The following NKAIN3 variants were observed in gnomAD, a reference collection of about 807,000 sequenced individuals.
NKAIN3 encodes sodium/potassium-transporting ATPase subunit beta-1-interacting protein 3.
Under a neutral mutation model 30.2 loss-of-function variants are expected in NKAIN3, and 25 were observed. That is an observed-to-expected ratio of 0.83 (90% CI 0.60 to 1.16). NKAIN3 has a LOEUF of 1.16. NKAIN3 is among the 50% of genes most tolerant of loss of function. The probability of loss-of-function intolerance (pLI) is 0.00; values close to 1 mark genes in which losing one functional copy is unlikely to be tolerated. For synonymous variants in NKAIN3, 91 were observed against 89.6 expected, an observed-to-expected ratio of 1.02 and a Z score of -0.09; for missense variants, 225 against 254.1, an observed-to-expected ratio of 0.89 and a Z score of 0.78.
chr8:62,863,975 A>G (rs11779748), intron 4 of NKAIN3: 535,917 of 793,710 alleles, frequency 0.68, 185,832 homozygotes, highest in African/African-American at 0.86. Context: ...GGTGGAGGAG[A>G]AAGAACTAAA....
chr8:62,700,777 T>C (rs1032196269), intron 3 of NKAIN3, among the ~76,000 whole-genome samples: 1 of 152,250 alleles, frequency 6.6e-6, no homozygotes, highest in South Asian at 2.1e-4. Context: ...TAACTGATTC[T>C]TCAACAAACA....
chr8:62,989,299 C>G (rs1287509656), downstream of NKAIN3, among the ~76,000 whole-genome samples: 1 of 152,164 alleles, frequency 6.6e-6, no homozygotes, highest in Non-Finnish European at 1.5e-5. Context: ...TGTTCTCACT[C>G]TACTAATAAA....
intron 3 of NKAIN3, among the ~76,000 whole-genome samples, chr8:62,680,549 T>C (rs1489836271): frequency 6.6e-6 from 1 of 152,206 alleles, no homozygotes; most frequent in Non-Finnish European, 1.5e-5. Flanking sequence ...AATGTCAAGA[T>C]ACTGGGAAAT....
rs555199231 is a variant in NKAIN3 at position 62,291,520 on chromosome 8, T to C, written c.54+42393T>C. Among the ~76,000 whole-genome samples the C allele has an allele frequency of 3.9e-5, 6 of 152,334 alleles. No individual in the cohort carries two copies. In the South Asian group the frequency reaches 1.2e-3, roughly 32 times the overall value. ...ACCCAGTAGTCATGCAGGAGCAGGT[T>C]GTTCAGTTTCCATGTAGTTTAGATG... is the stretch of plus-strand genomic sequence containing the variant. On this transcript the variant is annotated intron_variant, in intron 1 of 6. Transcript: ENST00000623646.
At chr8:62,789,431 G>A (rs967874159) in intron 4 of NKAIN3, among the ~76,000 whole-genome samples, 1 of 152,030 alleles carries the variant, frequency 6.6e-6, no homozygotes, top group African/African-American at 2.4e-5. Context: ...AGGAGATTTT[G>A]GGCTGAGACA....
At chr8:62,760,792 G>T (rs960936732) in intron 4 of NKAIN3, among the ~76,000 whole-genome samples, 1 of 151,972 alleles carries the variant, frequency 6.6e-6, no homozygotes, top group African/African-American at 2.4e-5. Flanking sequence ...AAAAGGCACT[G>T]GGAGGTAAAC....
chr8:62,535,327 T>A (rs773016008), intron 1 of NKAIN3, among the ~76,000 whole-genome samples: 4 of 152,004 alleles, frequency 2.6e-5, no homozygotes, highest in Non-Finnish European at 5.9e-5. Context: ...GTGTGGGGTG[T>A]TTTTCCCCAC....
At chr8:62,850,144 A>G (rs181480375) in intron 4 of NKAIN3, among the ~76,000 whole-genome samples, 7 of 152,214 alleles carry the variant, frequency 4.6e-5, no homozygotes, top group East Asian at 3.9e-4. Context: ...AATGATCGCC[A>G]TTCTAACTGG....
At chr8:62,888,997 G>A (rs1821224142) in intron 4 of NKAIN3, among the ~76,000 whole-genome samples, 1 of 152,128 alleles carries the variant, frequency 6.6e-6, no homozygotes, top group South Asian at 2.1e-4. Flanking sequence ...TTAGACAAAT[G>A]CTGTGTGTCA....
chr8:62,914,104 C>T (rs941271109), intron 4 of NKAIN3, among the ~76,000 whole-genome samples: 1 of 152,126 alleles, frequency 6.6e-6, no homozygotes, highest in African/African-American at 2.4e-5. Flanking sequence ...AAATACCCAT[C>T]AATGATAGAC....
chr8:62,733,474 T>C (rs1815546773), intron 3 of NKAIN3, among the ~76,000 whole-genome samples: 1 of 152,196 alleles, frequency 6.6e-6, no homozygotes, highest in Non-Finnish European at 1.5e-5. Context: ...AAGAGAGTAA[T>C]AGGTTCTTGC....
chr8:62,934,325 C>A (rs1182416043), intron 5 of NKAIN3, among the ~76,000 whole-genome samples: 32 of 151,764 alleles, frequency 2.1e-4, no homozygotes, highest in Admixed American at 2.1e-3. Context: ...CTGCAGTGAG[C>A]TGTGATGATG....
intron 1 of NKAIN3, among the ~76,000 whole-genome samples, chr8:62,497,427 A>C (rs1807277239): frequency 1.0e-5 from 1 of 98,826 alleles, no homozygotes; most frequent in African/African-American, 4.2e-5. Context: ...TTCTAAGTAT[A>C]ACCTATTTTT....
rs869256384 is a variant in NKAIN3 at position 62,560,531 on chromosome 8, C to CTTTTTTTTTTTTTT, written c.55-18996_55-18983dup. 1.3e-3 allele frequency among the ~76,000 whole-genome samples: 58 copies of CTTTTTTTTTTTTTT among 45,366 alleles called. 5 individuals carry two copies. Among genetic ancestry groups the CTTTTTTTTTTTTTT allele is most frequent in the Non-Finnish European group, 1.7e-3 (46 of 27,030 alleles). 29.8% of individuals were successfully genotyped at this position (45,366 alleles called of 152,430 possible). On this transcript the variant is annotated intron_variant, in intron 1 of 6. Coordinates refer to ENST00000623646, the MANE Select transcript of NKAIN3 (RefSeq NM_001304533.3). ...CAGTTCACTGAATCTTTTTTCTTTT[C>CTTTTTTTTTTTTTT]TTTTTTTTTTTTTTTTTTTTTTTTT...
chr8:62,933,305 A>T (rs886738737), intron 5 of NKAIN3, among the ~76,000 whole-genome samples: 5 of 152,224 alleles, frequency 3.3e-5, no homozygotes, highest in African/African-American at 1.2e-4. Context: ...CAAAACGGAA[A>T]TGTCCAAAAT....
intron 4 of NKAIN3, among the ~76,000 whole-genome samples, chr8:62,912,568 A>C (rs1821952293): frequency 6.6e-6 from 1 of 152,140 alleles, no homozygotes. Flanking sequence ...CCTTATTTAT[A>C]AGCCCTTTTC....
rs200466973 is a variant in NKAIN3 at position 62,729,039 on chromosome 8, A to AG, written c.274-17893_274-17892insG. Among the ~76,000 whole-genome samples the AG allele has an allele frequency of 8.3e-5, 8 of 96,926 alleles. No individual in the cohort carries two copies. In the Admixed American group the frequency reaches 8.8e-4, roughly 11 times the overall value. The allele number at this position is 96,926 out of a possible 152,430, so 63.6% of individuals were successfully genotyped here. ...ACAAACAAACCAAAAAAAAAAAAAA[A>AG]CAAAAAAAAAAAACCTCCTGCTCTG... On this transcript the variant is annotated intron_variant, in intron 3 of 6. Coordinates refer to ENST00000623646, the MANE Select transcript of NKAIN3 (RefSeq NM_001304533.3).
intron 4 of NKAIN3, among the ~76,000 whole-genome samples, chr8:62,900,032 A>AAAAC (rs1821557025): frequency 6.6e-6 from 1 of 151,834 alleles, no homozygotes; most frequent in Admixed American, 6.6e-5. Flanking sequence ...CTGAAATTAA[A>AAAAC]AAAAAAAGAA....
chr8:62,596,949 G>A lies in NKAIN3; in HGVS notation c.273+7155G>A, dbSNP rs571059538. ...GAGCCTGATATTTAAGTAAATGGTT[G>A]TCTGACAGCCACAAGTCTTCTTTAG... On this transcript the variant is annotated intron_variant, in intron 3 of 6. Transcript: ENST00000623646. 1.4e-4 allele frequency among the ~76,000 whole-genome samples: 22 copies of A among 152,200 alleles called. No homozygotes were observed. In the South Asian group the frequency reaches 1.7e-3, roughly 11 times the overall value.
Sources: gnomAD v4.1 joint callset for allele counts (sites outside exome capture counted in the v4.1 genomes callset) on GRCh38, gnomAD v4.1.1 for gene constraint, MANE v1.5 for transcripts, NCBI Gene and HGNC (gene_info 2026-07-23, HGNC 2026-07-21) for gene names.